The following ABR variants were observed in gnomAD, a reference collection of about 807,000 sequenced individuals.
The protein encoded by ABR is ABR activator of RhoGEF and GTPase.
A neutral mutation model predicts 107.2 loss-of-function variants in ABR; 35 were observed. The observed-to-expected ratio is 0.33, with a 90% confidence interval of 0.25 to 0.43. The LOEUF (loss-of-function observed/expected upper bound fraction) is 0.43, where lower values mean the gene tolerates loss of function less well. ABR is among the 20% of genes least tolerant of loss of function. The pLI is 1.00. For missense variants in ABR, 815 were observed against 1,115.2 expected (o/e 0.73, Z 3.83); for synonymous variants, 498 against 462.0 (o/e 1.08, Z -1.00).
At chr17:1,031,723 GGGGCAGGACGTCGGTCATGCC>G in intron 16 of ABR, 1 of 1,244,410 alleles carries the variant, frequency 8.0e-7, no homozygotes, top group Non-Finnish European at 1.0e-6. Context: ...CAGTCGGGCT[GGGGCAGGACGTCGGTCATGCC>G]GGGGGGGACG....
rs879498111 is a variant in ABR, at chr17:1,179,008, T to C, written c.61+659A>G. 8.6e-5 allele frequency among the ~76,000 whole-genome samples: 13 copies of C among 151,476 alleles called. No individual in the cohort carries two copies. The highest frequency in any genetic ancestry group is 1.8e-4 in the Non-Finnish European group (12 of 67,852). Reference sequence around the variant, plus strand: ...GTGGAGAACTCGAGAAGGTTTGTTTTTTTTTTCTTCTGAGGGTGGTGGTGA... The same window carrying C: ...GTGGAGAACTCGAGAAGGTTTGTTTCTTTTTTCTTCTGAGGGTGGTGGTGA... On this transcript the variant is annotated intron_variant, in intron 1 of 22. Transcript: ENST00000302538. This position sits in a 1 kb window ranked among gnomAD's most constrained non-coding sequence, Gnocchi z 4.9.
In ABR at chr17:1,050,729, C is replaced by T; in HGVS notation, c.1562-95G>A. ...GGATGGAGGGGGACATCGCATCTGT[C>T]CTTTCCAACGTCCCCACGGATGGCA... On this transcript the variant is annotated intron_variant, in intron 14 of 22. Transcript: ENST00000302538. The surrounding 1 kb of genome is among the most constrained non-coding windows in gnomAD (Gnocchi z 4.6). The T allele has an allele frequency of 1.0e-6, 1 of 982,318 alleles. No homozygotes were observed. The highest frequency in any genetic ancestry group is 1.6e-6 in the Non-Finnish European group (1 of 619,226). The allele number at this position is 982,318 out of a possible 1,614,324, so 60.9% of individuals were successfully genotyped here.
In ABR at chr17:1,038,935, C is replaced by T. The variant is rs547325206; in HGVS notation, c.1791+11115G>A. On this transcript the variant is annotated intron_variant, in intron 16 of 22. Coordinates refer to ENST00000302538, the MANE Select transcript of ABR (RefSeq NM_021962.5). ...CCTCCGCCAGCAGGGAGGTTAGCGG[C>T]TCACGGGGAGGAATCTATGTCTGCG... is the stretch of plus-strand genomic sequence containing the variant. 3.3e-5 allele frequency among the ~76,000 whole-genome samples: 5 copies of T among 152,362 alleles called. No homozygotes were observed. The East Asian group carries it at 9.6e-4, about 29-fold the overall frequency.
In ABR at chr17:1,013,156, T is replaced by C. The variant is rs1172686933; in HGVS notation, c.1800A>G (p.Pro600=). 1 of 1,614,132 alleles carries C rather than the reference T, an allele frequency of 6.2e-7. No individual in the cohort carries two copies. The highest frequency in any genetic ancestry group is 1.1e-5 in the South Asian group (1 of 91,088). Residue 600 remains proline (P), a synonymous_variant, in exon 17 of 23, where the codon CCA becomes CCG. Transcript: ENST00000302538. ...GCCAGTTCTTGGTCTCCACGGTTTG[T>C]GGGTCCAGCTGCAGAGAGAGAATGT... ...IMGKGQIQLD[P]QTVETKNWHT... is the part of the protein sequence containing the mutation.
chr17:1,030,610 C>A lies in ABR; in HGVS notation c.1792-17446G>T, dbSNP rs182220914. On this transcript the variant is annotated intron_variant, in intron 16 of 22. Coordinates refer to ENST00000302538, the MANE Select transcript of ABR (RefSeq NM_021962.5). ...TCACCTCTGGGAGGTCAAGTATGCCCCATGGCAGGAGCTGAAACAAAACGA... is the reference window on the plus strand; with the variant it reads ...TCACCTCTGGGAGGTCAAGTATGCCACATGGCAGGAGCTGAAACAAAACGA... Among the ~76,000 whole-genome samples, 115 of 152,324 alleles carry A rather than the reference C, an allele frequency of 7.5e-4. 1 individual carries two copies. The highest frequency in any genetic ancestry group is 2.7e-3 in the African/African-American group (112 of 41,572).
intron 16 of ABR, among the ~76,000 whole-genome samples, chr17:1,045,377 CGTCTTCTTACAGCAGGACA>C (rs1567642423): frequency 8.3e-6 from 1 of 121,078 alleles, no homozygotes; most frequent in Non-Finnish European, 1.8e-5. Flanking sequence ...GACAATCTTC[CGTCTTCTTACAGCAGGACA>C]ATCTTCCGTC....
chr17:1,227,389 T>C (rs1346598926), intron 1 of ABR, among the ~76,000 whole-genome samples: 1 of 152,112 alleles, frequency 6.6e-6, no homozygotes, highest in African/African-American at 2.4e-5. Context: ...AACTTGGCAC[T>C]AGGGTGAAAT....
intron 3 of ABR, among the ~76,000 whole-genome samples, chr17:1,095,916 T>TAATA (rs2037390834): frequency 6.6e-6 from 1 of 152,098 alleles, no homozygotes. Flanking sequence ...ACCTGTTTTA[T>TAATA]AGATAAAGAG....
chr17:1,044,528 G>A (rs758604038), intron 16 of ABR, among the ~76,000 whole-genome samples: 4 of 151,974 alleles, frequency 2.6e-5, no homozygotes, highest in Admixed American at 6.6e-5. Flanking sequence ...GTGGGCGCCT[G>A]TAATCCCAGC....
At chr17:1,098,400 C>T (rs976430745) in intron 3 of ABR, among the ~76,000 whole-genome samples, 1 of 152,160 alleles carries the variant, frequency 6.6e-6, no homozygotes, top group South Asian at 2.1e-4. Flanking sequence ...TTCAAACCCA[C>T]AACAGGTGTA....
At chr17:1,024,904 G>A (rs1464202748) in intron 16 of ABR, among the ~76,000 whole-genome samples, 3 of 151,990 alleles carry the variant, frequency 2.0e-5, no homozygotes, top group Non-Finnish European at 4.4e-5. Flanking sequence ...TGGATCACCT[G>A]AGGTCAGGAG....
rs1044632528 is a variant in ABR at position 1,078,976 on chromosome 17, G to A, written c.700+354C>T. 8.8e-5 allele frequency: 132 copies of A among 1,500,540 alleles called. No individual in the cohort carries two copies. In the African/African-American group the frequency reaches 9.5e-4, roughly 11 times the overall value. The allele number at this position is 1,500,540 out of a possible 1,614,324, so 93.0% of individuals were successfully genotyped here. ...ATGCTGCCGCACGGACTCCAGCATCGGGCAGCCGCTCCGGAGTGCTCTTCC... is the reference window on the plus strand; with the variant it reads ...ATGCTGCCGCACGGACTCCAGCATCAGGCAGCCGCTCCGGAGTGCTCTTCC... On this transcript the variant is annotated intron_variant, in intron 6 of 22. Transcript: ENST00000302538. This position sits in a 1 kb window ranked among gnomAD's most constrained non-coding sequence, Gnocchi z 7.5.
chr17:1,073,950 G>A (rs554350096), intron 6 of ABR, among the ~76,000 whole-genome samples: 73 of 95,700 alleles, frequency 7.6e-4, no homozygotes, highest in Non-Finnish European at 1.4e-3. Context: ...GAGCCGCCCC[G>A]CCCCCCTCCC....
At position 1,140,163 on chromosome 17, in the gene ABR, C is replaced by A. The variant is rs575494905; in HGVS notation, c.62-14796G>T. ...CCCCTCCGTGCTTTGTCAAAGGTGA[C>A]CATGGTGGGAACCAAGGGCAAAGTC... On this transcript the variant is annotated intron_variant, in intron 1 of 22. Coordinates refer to ENST00000302538, the MANE Select transcript of ABR (RefSeq NM_021962.5). 2.0e-5 allele frequency among the ~76,000 whole-genome samples: 3 copies of A among 152,324 alleles called. No individual in the cohort carries two copies. The South Asian group carries it at 6.2e-4, about 32-fold the overall frequency.
chr17:1,136,039 G>A (rs1010640492), intron 1 of ABR, among the ~76,000 whole-genome samples: 1 of 151,904 alleles, frequency 6.6e-6, no homozygotes, highest in Non-Finnish European at 1.5e-5. Context: ...AATGGTCAGT[G>A]AGCACTGGTT....
intron 10 of ABR, among the ~76,000 whole-genome samples, chr17:1,064,910 G>T (rs2034535060): frequency 8.1e-6 from 1 of 123,022 alleles, no homozygotes; most frequent in Non-Finnish European, 1.8e-5. Flanking sequence ...GGCTATGCAT[G>T]TTCCTCTAGA....
At chr17:1,076,994 G>A (rs573029306) in intron 6 of ABR, among the ~76,000 whole-genome samples, 1 of 152,230 alleles carries the variant, frequency 6.6e-6, no homozygotes, top group Non-Finnish European at 1.5e-5. Context: ...TACTCGCTCT[G>A]TGCCCAAGGG....
intron 16 of ABR, among the ~76,000 whole-genome samples, chr17:1,023,685 A>G (rs997102251): frequency 1.3e-5 from 2 of 152,168 alleles, no homozygotes; most frequent in African/African-American, 4.8e-5. Flanking sequence ...GACCTGTCAG[A>G]CCTCCATGGG....
intron 3 of ABR, among the ~76,000 whole-genome samples, chr17:1,100,074 C>T (rs997863984): frequency 1.9e-4 from 28 of 150,186 alleles, no homozygotes; most frequent in Non-Finnish European, 3.5e-4. Context: ...TGCAGTGAGC[C>T]GAGATCGCAC....
Sources: allele counts gnomAD v4.1 joint callset (sites outside exome capture counted in the v4.1 genomes callset), GRCh38; gene constraint gnomAD v4.1.1; non-coding constraint Gnocchi (gnomAD v3.1); transcripts MANE v1.5; gene names NCBI Gene and HGNC (gene_info 2026-07-23, HGNC 2026-07-21).